CACNB2: variants seen among roughly 807,000 people sequenced by gnomAD.
CACNB2 encodes voltage-dependent L-type calcium channel subunit beta-2.
In CACNB2, 42 loss-of-function variants were observed where a neutral mutation model predicts 73.3. The ratio of observed to expected loss-of-function variants is 0.57; its 90% CI spans 0.45 to 0.74. The LOEUF (loss-of-function observed/expected upper bound fraction) is 0.74, where lower values mean the gene tolerates loss of function less well. CACNB2 is among the 30% of genes least tolerant of loss of function. The pLI is 0.00. For synonymous variants in CACNB2, 348 were observed against 310.3 expected (o/e 1.12, Z -1.28); for missense variants, 940 against 853.0 (o/e 1.10, Z -1.27).
At chr10:18,409,233 G>C (rs891227201) in intron 3 of CACNB2, among the ~76,000 whole-genome samples, 22 of 152,044 alleles carry the variant, frequency 1.4e-4, no homozygotes, top group African/African-American at 4.8e-4. Context: ...CGGAGGCGGA[G>C]GTTGCAGTGA....
At position 18,161,701 on chromosome 10, in the gene CACNB2, A is replaced by G. The variant is rs377373051; in HGVS notation, c.213+10726A>G. Among the ~76,000 whole-genome samples, 15 of 151,944 alleles carry G rather than the reference A, an allele frequency of 9.9e-5. No individual in the cohort carries two copies. The East Asian group carries it at 2.7e-3, about 28-fold the overall frequency. On this transcript the variant is annotated intron_variant, in intron 2 of 13. Coordinates refer to ENST00000324631, the MANE Select transcript of CACNB2 (RefSeq NM_201596.3). The stretch of plus-strand genomic sequence containing the variant: ...GCAAATTTGAGGCCCAGGCAGGTGA[A>G]TCACCTGTGGTCAGTAATTCAAGAC...
chr10:18,536,703 C>T (rs1036073876), intron 12 of CACNB2, among the ~76,000 whole-genome samples: 5 of 152,176 alleles, frequency 3.3e-5, no homozygotes, highest in Non-Finnish European at 7.3e-5. Flanking sequence ...GTAATCCAAA[C>T]GATGATCATA....
At chr10:18,434,237 T>C (rs1490714035) in intron 3 of CACNB2, among the ~76,000 whole-genome samples, 3 of 152,174 alleles carry the variant, frequency 2.0e-5, no homozygotes, top group Non-Finnish European at 4.4e-5. Context: ...AGAGTTCATA[T>C]ATAAATCATG....
chr10:18,332,465 G>A (rs1024813451), intron 2 of CACNB2, among the ~76,000 whole-genome samples: 6 of 152,162 alleles, frequency 3.9e-5, no homozygotes, highest in Non-Finnish European at 8.8e-5. Flanking sequence ...TCAAATTGGC[G>A]TTAAATGCAA....
intron 2 of CACNB2, among the ~76,000 whole-genome samples, chr10:18,221,309 TACAA>T (rs1262056830): frequency 6.6e-6 from 1 of 152,214 alleles, no homozygotes; most frequent in Non-Finnish European, 1.5e-5. Flanking sequence ...CTGTTACTCA[TACAA>T]ACACTCACAT....
intron 3 of CACNB2, among the ~76,000 whole-genome samples, chr10:18,415,012 T>A (rs2044863013): frequency 6.6e-6 from 1 of 152,226 alleles, no homozygotes; most frequent in African/African-American, 2.4e-5. Flanking sequence ...TGTATTTAAT[T>A]AGCAAACATT....
At chr10:18,302,167 C>T (rs1160557697) in intron 2 of CACNB2, among the ~76,000 whole-genome samples, 1 of 152,080 alleles carries the variant, frequency 6.6e-6, no homozygotes, top group African/African-American at 2.4e-5. Context: ...AATGAAATCA[C>T]TCATTTAGCA....
At position 18,150,880 on chromosome 10, in the gene CACNB2, T is replaced by TTTTTTTTTTTC; in HGVS notation, c.121-3_121-2insTTTTTTTTTTC. 1 of 1,300,362 alleles carries TTTTTTTTTTTC rather than the reference T, an allele frequency of 7.7e-7. No individual in the cohort carries two copies. Among genetic ancestry groups the TTTTTTTTTTTC allele is most frequent in the South Asian group, 1.3e-5 (1 of 74,630 alleles). The allele number at this position is 1,300,362 out of a possible 1,614,324, so 80.6% of individuals were successfully genotyped here. A position where few individuals can be genotyped will look rare whatever the true frequency, so the allele number is the denominator to read the frequency against. The stretch of plus-strand genomic sequence containing the variant: ...CTTTTTTTTTTTTTTTTTTTTTTTT[T>TTTTTTTTTTTC]AGTCATATGGAAAAGGAGCCAGAAG... On this transcript the variant is annotated splice_polypyrimidine_tract_variant and splice_region_variant and intron_variant, in intron 1 of 13. Coordinates refer to ENST00000324631, the MANE Select transcript of CACNB2 (RefSeq NM_201596.3).
intron 2 of CACNB2, among the ~76,000 whole-genome samples, chr10:18,216,514 T>G (rs2035518377): frequency 6.6e-6 from 1 of 152,232 alleles, no homozygotes; most frequent in African/African-American, 2.4e-5. Flanking sequence ...TAACACCTGA[T>G]TTCATTAGAT....
intron 2 of CACNB2, among the ~76,000 whole-genome samples, chr10:18,393,340 A>G (rs2043572221): frequency 6.6e-6 from 1 of 152,194 alleles, no homozygotes. Flanking sequence ...CCAAAACTCA[A>G]AATAATATCA....
chr10:18,440,523 C>T (rs1043454407), intron 3 of CACNB2, among the ~76,000 whole-genome samples: 2 of 152,218 alleles, frequency 1.3e-5, no homozygotes, highest in East Asian at 3.9e-4. Flanking sequence ...CAAAAATTAA[C>T]TGGCATGGTG....
intron 2 of CACNB2, among the ~76,000 whole-genome samples, chr10:18,259,552 AC>A (rs766319128): frequency 0.32 from 37,913 of 118,304 alleles, 7,217 homozygotes; most frequent in East Asian, 0.59. Flanking sequence ...TGAAAAAAAA[AC>A]AAAAAACAAA....
chr10:18,370,833 G>A (rs1324408089), intron 2 of CACNB2, among the ~76,000 whole-genome samples: 1 of 151,972 alleles, frequency 6.6e-6, no homozygotes, highest in African/African-American at 2.4e-5. Context: ...ATACACGCAG[G>A]CACATATTTG....
chr10:18,304,433 A>AT (rs1331974371), intron 2 of CACNB2, among the ~76,000 whole-genome samples: 1 of 152,238 alleles, frequency 6.6e-6, no homozygotes, highest in Non-Finnish European at 1.5e-5. Context: ...TATTAAATAC[A>AT]TTTTGTTTCA....
At chr10:18,478,804 G>C (rs926990468) in intron 3 of CACNB2, among the ~76,000 whole-genome samples, 1 of 152,130 alleles carries the variant, frequency 6.6e-6, no homozygotes, top group African/African-American at 2.4e-5. Context: ...TTAAGGTTTG[G>C]TTGCATTCTT....
intron 2 of CACNB2, among the ~76,000 whole-genome samples, chr10:18,372,446 C>T (rs2042626808): frequency 6.6e-6 from 1 of 152,144 alleles, no homozygotes; most frequent in Admixed American, 6.6e-5. Flanking sequence ...TCACTGTTGT[C>T]ACCCAGGCTA....
intron 2 of CACNB2, among the ~76,000 whole-genome samples, chr10:18,157,410 A>T (rs2032139301): frequency 6.6e-6 from 1 of 152,238 alleles, no homozygotes; most frequent in African/African-American, 2.4e-5. Flanking sequence ...ATTAGGTGTA[A>T]GGATTACATG....
At chr10:18,262,705 A>G (rs138035552) in intron 2 of CACNB2, among the ~76,000 whole-genome samples, 60 of 152,310 alleles carry the variant, frequency 3.9e-4, no homozygotes, top group African/African-American at 1.4e-3. Context: ...AATAGTGAAG[A>G]GTGAGAATTT....
intron 2 of CACNB2, among the ~76,000 whole-genome samples, chr10:18,290,136 TTTTG>T (rs2039003890): frequency 7.3e-6 from 1 of 136,982 alleles, no homozygotes; most frequent in Non-Finnish European, 1.5e-5. Context: ...TTTTTTTTTT[TTTTG>T]CCTCAGCCTC....
Sources: allele counts gnomAD v4.1 joint callset (sites outside exome capture counted in the v4.1 genomes callset), GRCh38; gene constraint gnomAD v4.1.1; transcripts MANE v1.5; gene names NCBI Gene and HGNC (gene_info 2026-07-23, HGNC 2026-07-21).